The following CEP104 variants were observed in gnomAD, a reference collection of about 807,000 sequenced individuals.
CEP104 encodes centrosomal protein of 104 kDa.
A neutral mutation model predicts 113.3 loss-of-function variants in CEP104; 84 were observed. The ratio of observed to expected loss-of-function variants is 0.74; its 90% confidence interval spans 0.62 to 0.89. The LOEUF (loss-of-function observed/expected upper bound fraction) is 0.89. Ranked by LOEUF, CEP104 falls within the 40% of genes least tolerant of loss-of-function variation. The pLI, the probability that CEP104 is intolerant of heterozygous loss-of-function variation, is 0.00. For synonymous variants in CEP104, 378 were observed against 421.7 expected, an observed-to-expected ratio of 0.90 and a Z score of 1.27; for missense variants, 1,053 against 1,156.6, an observed-to-expected ratio of 0.91 and a Z score of 1.30.
intron 7 of CEP104, 79 bp downstream of exon 7, chr1:3,839,529 T>C (rs1022027578): frequency 1.5e-6 from 2 of 1,321,454 alleles, no homozygotes; most frequent in African/African-American, 3.0e-5. Context: ...ACTGGTTTCT[T>C]TTACCATGTA....
intron 20 of CEP104, among the ~76,000 whole-genome samples, chr1:3,818,840 C>T (rs1250555274): frequency 6.6e-6 from 1 of 152,200 alleles, no homozygotes; most frequent in Non-Finnish European, 1.5e-5. Context: ...AACTCTGCCC[C>T]AAGGTTCTTC....
chr1:3,852,409 C>A lies in CEP104; in HGVS notation c.-2G>T, dbSNP rs758004463. The A allele has an allele frequency of 6.2e-7, 1 of 1,613,460 alleles. No individual in the cohort carries two copies. The highest frequency in any genetic ancestry group is 8.5e-7 in the Non-Finnish European group (1 of 1,179,728). ...TACAAATCCAATCTTGTGGGGCATTCTGCACGTTTGGGCTGTTTATAAGAG... is the reference window on the plus strand; with the variant it reads ...TACAAATCCAATCTTGTGGGGCATTATGCACGTTTGGGCTGTTTATAAGAG... On this transcript the variant is annotated 5_prime_UTR_variant, in exon 2 of 22. Coordinates refer to ENST00000378230, the MANE Select transcript of CEP104 (RefSeq NM_014704.4).
At chr1:3,847,961 A>G (rs1644538238) in intron 3 of CEP104, among the ~76,000 whole-genome samples, 1 of 151,998 alleles carries the variant, frequency 6.6e-6, no homozygotes, top group South Asian at 2.1e-4. Flanking sequence ...CAGCTTCCCA[A>G]GTAGCTGGGA....
At chr1:3,846,228 A>T (rs1644504765) in intron 4 of CEP104, among the ~76,000 whole-genome samples, 1 of 152,186 alleles carries the variant, frequency 6.6e-6, no homozygotes, top group Non-Finnish European at 1.5e-5. Context: ...GACAATGAAA[A>T]GTTAACACAG....
intron 1 of CEP104, among the ~76,000 whole-genome samples, chr1:3,854,512 A>G (rs1331361165): frequency 2.0e-5 from 3 of 151,960 alleles, no homozygotes; most frequent in East Asian, 1.9e-4. Context: ...TCTATCACCC[A>G]GGCTGGAGTG....
In CEP104 at chr1:3,816,417, T is replaced by C. The variant is rs1314463504; in HGVS notation, c.2572-47A>G. ...GAGTGTTAATCAGGCGAGACGGACC[T>C]GGCACGCTACCTGAGACCCAAAAGG... On this transcript the variant is annotated intron_variant, in intron 20 of 21. Coordinates refer to ENST00000378230, the MANE Select transcript of CEP104 (RefSeq NM_014704.4). 18 of 1,455,904 alleles carry C rather than the reference T, an allele frequency of 1.2e-5. No individual in the cohort carries two copies. The South Asian group carries it at 2.3e-4, about 18-fold the overall frequency. The allele number at this position is 1,455,904 out of a possible 1,614,324, so 90.2% of individuals were successfully genotyped here.
chr1:3,824,453 A>T (rs768868442), intron 18 of CEP104, among the ~76,000 whole-genome samples: 42 of 152,222 alleles, frequency 2.8e-4, no homozygotes, highest in South Asian at 1.0e-3. Context: ...TACACAGGAC[A>T]CGAATAGCAT....
At chr1:3,852,137 T>G (rs929420396) in intron 2 of CEP104, among the ~76,000 whole-genome samples, 158 bp downstream of exon 2, 2 of 152,278 alleles carry the variant, frequency 1.3e-5, no homozygotes, top group African/African-American at 2.4e-5. Flanking sequence ...TTTAAAAATA[T>G]AAACAGAAAG....
Position 3,823,584 on chromosome 1 carries a change from A to G in CEP104, c.2365-22T>C. 6.2e-7 allele frequency: 1 copy of G among 1,614,168 alleles called. No individual in the cohort carries two copies. The highest frequency in any genetic ancestry group is 8.5e-7 in the Non-Finnish European group (1 of 1,180,034). ...CCACCTGGATTTCGAAATACAGAGC[A>G]AAGCATGTTGCTGAGAAAGCGGCAG... On this transcript the variant is annotated intron_variant, in intron 18 of 21. Transcript: ENST00000378230. The surrounding 1 kb of genome is among the most constrained non-coding windows in gnomAD (Gnocchi z 4.1).
chr1:3,840,757 C>A (rs369864310), intron 6 of CEP104, among the ~76,000 whole-genome samples: 1 of 152,130 alleles, frequency 6.6e-6, no homozygotes, highest in East Asian at 1.9e-4. Flanking sequence ...CCAGGTTGGT[C>A]TGGAACTCCT....
At chr1:3,826,863 A>G (rs1387643579) in intron 15 of CEP104, 119 bp from the exon 16 acceptor site, 2 of 1,006,692 alleles carry the variant, frequency 2.0e-6, no homozygotes, top group Admixed American at 2.5e-5. Flanking sequence ...TAGAATTTCT[A>G]CTGGCTGGCA....
In CEP104 at chr1:3,816,211, G is replaced by GGATGCTTTTT. The variant is rs1643877941; in HGVS notation, c.2662+59_2662+68dup. On this transcript the variant is annotated intron_variant, in intron 21 of 21. Coordinates refer to ENST00000378230, the MANE Select transcript of CEP104 (RefSeq NM_014704.4). ...GGTCTTGCCATGTTGCCCTGGACGG[G>GGATGCTTTTT]GATGCTTTTTTGAATAAGTCAAAAT... is the stretch of plus-strand genomic sequence containing the variant. 5.2e-6 allele frequency: 7 copies of GGATGCTTTTT among 1,355,238 alleles called. No homozygotes were observed. In the Admixed American group the frequency reaches 1.6e-4, roughly 30 times the overall value. The allele number at this position is 1,355,238 out of a possible 1,614,324, so 84.0% of individuals were successfully genotyped here.
In CEP104 at chr1:3,814,777, A is replaced by G. The variant is rs1643849249; in HGVS notation, c.*625T>C. ...CAATTCTCAAAAAAACTACGATTAAAAAAAAGATGTTCTCTTTTGCCTTTA... is the reference window on the plus strand; with the variant it reads ...CAATTCTCAAAAAAACTACGATTAAGAAAAAGATGTTCTCTTTTGCCTTTA... On this transcript the variant is annotated 3_prime_UTR_variant, in exon 22 of 22. Coordinates refer to ENST00000378230, the MANE Select transcript of CEP104 (RefSeq NM_014704.4). The G allele has an allele frequency of 6.6e-6, 1 of 152,310 alleles. No individual in the cohort carries two copies. The allele number at this position is 152,310 out of a possible 1,614,324, so 9.4% of individuals were successfully genotyped here. A position where few individuals can be genotyped will look rare whatever the true frequency, so the allele number is the denominator to read the frequency against.
At chr1:3,832,294 CCAGGAGTGTATTGT>C (rs1644224782) in intron 12 of CEP104, among the ~76,000 whole-genome samples, 1 of 68,208 alleles carries the variant, frequency 1.5e-5, no homozygotes, top group Non-Finnish European at 3.2e-5. Flanking sequence ...TGTATTGTAA[CCAGGAGTGTATTGT>C]AGGTCGTAAC....
intron 1 of CEP104, among the ~76,000 whole-genome samples, chr1:3,854,635 ATTTTTT>A (rs34466194): frequency 1.6e-5 from 2 of 126,120 alleles, no homozygotes; most frequent in Non-Finnish European, 1.6e-5. Flanking sequence ...TGCCTGGCTA[ATTTTTT>A]TTTTTTTTTT....
At position 3,819,826 on chromosome 1, in the gene CEP104, G is replaced by C. The variant is rs1030482805; in HGVS notation, c.2571+3348C>G. Among the ~76,000 whole-genome samples the C allele has an allele frequency of 6.6e-6, 1 of 152,230 alleles. No individual in the cohort carries two copies. The highest frequency in any genetic ancestry group is 1.5e-5 in the Non-Finnish European group (1 of 68,036). On this transcript the variant is annotated intron_variant, in intron 20 of 21. Transcript: ENST00000378230. This position sits in a 1 kb window ranked among gnomAD's most constrained non-coding sequence, Gnocchi z 4.6. ...GAAAGACGTGTCTCAGCAGGCTGGAGTGGCAGAGTCTCCTGCTGGCCTCGA... is the reference window on the plus strand; with the variant it reads ...GAAAGACGTGTCTCAGCAGGCTGGACTGGCAGAGTCTCCTGCTGGCCTCGA...
rs34211842 is a variant in CEP104 at position 3,839,966 on chromosome 1, C to A, written c.567-190G>T. ...CACAAAGCTCTTAATTGCAAGCAGG[C>A]CTTTCTGACTCCAAAGCTCACGCTC... On this transcript the variant is annotated intron_variant, in intron 6 of 21. Coordinates refer to ENST00000378230, the MANE Select transcript of CEP104 (RefSeq NM_014704.4). Among the ~76,000 whole-genome samples the A allele has an allele frequency of 0.3, 46,246 of 151,994 alleles. 8,254 individuals are homozygous for A. Among genetic ancestry groups the A allele is most frequent in the African/African-American group, 0.49 (20,389 of 41,408 alleles).
At chr1:3,817,184 G>T (rs1643893025) in intron 20 of CEP104, among the ~76,000 whole-genome samples, 1 of 152,122 alleles carries the variant, frequency 6.6e-6, no homozygotes, top group Non-Finnish European at 1.5e-5. Flanking sequence ...CACAAAATTA[G>T]CTGGGTGTGG....
chr1:3,844,983 C>T lies in CEP104; in HGVS notation c.490G>A (p.Ala164Thr), dbSNP rs140856596. 1.9e-6 allele frequency: 3 copies of T among 1,613,656 alleles called. No homozygotes were observed. The highest frequency in any genetic ancestry group is 2.5e-6 in the Non-Finnish European group (3 of 1,179,596). Reference sequence around the variant, plus strand: ...TGGTCAATCAACTTCTCTCGAGAGGCCTTTGGGGGCAAAACATCTGCTTAG... The same window carrying T: ...TGGTCAATCAACTTCTCTCGAGAGGTCTTTGGGGGCAAAACATCTGCTTAG... ...PADFSDESNT[A>T]SREKLIDHYL... The change falls in exon 6 of 22, where the codon GCC becomes ACC. Residue 164 changes from alanine (A) to threonine (T), a missense_variant and splice_region_variant. Transcript: ENST00000378230.
Sources: allele counts gnomAD v4.1 joint callset (sites outside exome capture counted in the v4.1 genomes callset), GRCh38; gene constraint gnomAD v4.1.1; non-coding constraint Gnocchi (gnomAD v3.1); transcripts MANE v1.5; gene names NCBI Gene and HGNC (gene_info 2026-07-23, HGNC 2026-07-21).